The following SPATA16 variants were observed in gnomAD, a reference collection of about 807,000 sequenced individuals.
The protein encoded by SPATA16 is spermatogenesis-associated protein 16.
In SPATA16, 36 loss-of-function variants were observed where a neutral mutation model predicts 63.3. The observed-to-expected ratio is 0.57, with a 90% CI of 0.44 to 0.75. The LOEUF is 0.75. SPATA16 is among the 30% of genes least tolerant of loss of function. The pLI is 0.00. For synonymous variants in SPATA16, 203 were observed against 216.7 expected (o/e 0.94, Z 0.56); for missense variants, 646 against 679.3 (o/e 0.95, Z 0.54).
intron 3 of SPATA16, among the ~76,000 whole-genome samples, chr3:173,046,981 A>G (rs1735972107): frequency 6.6e-6 from 1 of 151,996 alleles, no homozygotes; most frequent in South Asian, 2.1e-4. Context: ...TACAAAAGTT[A>G]ATTGTAACGT....
chr3:172,945,752 C>A (rs1162764207), intron 6 of SPATA16, among the ~76,000 whole-genome samples: 1 of 152,154 alleles, frequency 6.6e-6, no homozygotes, highest in African/African-American at 2.4e-5. Flanking sequence ...TTCTGGCTAG[C>A]CCCACCACCA....
intron 3 of SPATA16, among the ~76,000 whole-genome samples, chr3:173,040,909 C>A (rs772664623): frequency 6.6e-6 from 1 of 152,074 alleles, no homozygotes; most frequent in Non-Finnish European, 1.5e-5. Context: ...TTAATGTAGT[C>A]AACTTTGCAC....
intron 5 of SPATA16, among the ~76,000 whole-genome samples, chr3:172,961,784 T>G (rs1227941621): frequency 6.6e-6 from 1 of 152,220 alleles, no homozygotes; most frequent in Admixed American, 6.5e-5. Context: ...TTTTGAAAAT[T>G]ATGACTTTAC....
chr3:173,038,511 A>C (rs115933766), intron 3 of SPATA16, among the ~76,000 whole-genome samples: 6 of 151,938 alleles, frequency 3.9e-5, no homozygotes, highest in South Asian at 2.1e-4. Context: ...TCAGCTCTCT[A>C]TGTTTCCCTA....
intron 1 of SPATA16, among the ~76,000 whole-genome samples, chr3:173,129,284 T>C (rs1470642089): frequency 6.6e-6 from 1 of 152,200 alleles, no homozygotes; most frequent in African/African-American, 2.4e-5. Context: ...ACATGAATTT[T>C]GGATTTGGAG....
intron 5 of SPATA16, among the ~76,000 whole-genome samples, chr3:172,972,042 C>G (rs1734058626): frequency 6.6e-6 from 1 of 152,120 alleles, no homozygotes; most frequent in Admixed American, 6.6e-5. Flanking sequence ...TCAGCCAGCT[C>G]CCAGTTTTGT....
At chr3:172,939,949 G>A (rs1357766892) in intron 6 of SPATA16, among the ~76,000 whole-genome samples, 1 of 152,082 alleles carries the variant, frequency 6.6e-6, no homozygotes, top group African/African-American at 2.4e-5. Context: ...AATCACCAAT[G>A]ACCAATAATT....
At chr3:172,958,684 G>T (rs1560079077) in intron 5 of SPATA16, among the ~76,000 whole-genome samples, 1 of 152,144 alleles carries the variant, frequency 6.6e-6, no homozygotes, top group Non-Finnish European at 1.5e-5. Context: ...CAAGACAGTG[G>T]TGTCAGCAGG....
chr3:172,964,557 T>C (rs1395276784), intron 5 of SPATA16, among the ~76,000 whole-genome samples: 1 of 152,246 alleles, frequency 6.6e-6, no homozygotes, highest in Non-Finnish European at 1.5e-5. Context: ...GTATTACTAA[T>C]GAGCTTTAGC....
chr3:173,120,033 G>A (rs1324038321), intron 1 of SPATA16, among the ~76,000 whole-genome samples: 6 of 151,212 alleles, frequency 4.0e-5, no homozygotes, highest in Admixed American at 6.6e-5. Context: ...GTTGCAGTGC[G>A]CCAAGATCGT....
At chr3:173,023,212 C>T (rs1407713757) in intron 3 of SPATA16, among the ~76,000 whole-genome samples, 1 of 150,418 alleles carries the variant, frequency 6.6e-6, no homozygotes, top group Non-Finnish European at 1.5e-5. Context: ...ACTGATGAGG[C>T]TCGAATATAA....
chr3:172,919,077 A>G (rs1732563314), intron 8 of SPATA16, among the ~76,000 whole-genome samples: 1 of 152,244 alleles, frequency 6.6e-6, no homozygotes, highest in East Asian at 1.9e-4. Flanking sequence ...AAGAAATTAA[A>G]AGTAAAATTA....
At chr3:173,017,448 C>T (rs969944392) in intron 4 of SPATA16, among the ~76,000 whole-genome samples, 5 of 152,168 alleles carry the variant, frequency 3.3e-5, no homozygotes, top group Middle Eastern at 6.8e-3. Context: ...TTGGGACCCA[C>T]GAAAAATTTA....
chr3:173,073,530 C>A (rs559194665), intron 2 of SPATA16, among the ~76,000 whole-genome samples: 3 of 152,342 alleles, frequency 2.0e-5, no homozygotes, highest in South Asian at 4.1e-4. Flanking sequence ...AGGGTGTAAG[C>A]CCCAGCCATG....
At chr3:172,970,664 T>A (rs1288290086) in intron 5 of SPATA16, among the ~76,000 whole-genome samples, 1 of 152,216 alleles carries the variant, frequency 6.6e-6, no homozygotes, top group African/African-American at 2.4e-5. Flanking sequence ...ACTCTCTGCC[T>A]GACAGGGCCA....
At chr3:172,984,249 C>G (rs1417810519) in intron 4 of SPATA16, among the ~76,000 whole-genome samples, 1 of 152,170 alleles carries the variant, frequency 6.6e-6, no homozygotes, top group Admixed American at 6.5e-5. Flanking sequence ...TCTGGAAGTT[C>G]TATCTGACGA....
intron 5 of SPATA16, among the ~76,000 whole-genome samples, chr3:172,963,612 T>C (rs1038216677): frequency 1.6e-4 from 24 of 152,098 alleles, no homozygotes; most frequent in Admixed American, 3.9e-4. Context: ...GTTTTCATTA[T>C]ATGTGATGCA....
chr3:173,075,499 C>T (rs1736778199), intron 2 of SPATA16, among the ~76,000 whole-genome samples: 1 of 152,114 alleles, frequency 6.6e-6, no homozygotes, highest in African/African-American at 2.4e-5. Flanking sequence ...GCAGTATTCA[C>T]AATAGCCAAG....
intron 3 of SPATA16, among the ~76,000 whole-genome samples, chr3:173,039,435 A>C (rs1342647055): frequency 6.6e-6 from 1 of 152,142 alleles, no homozygotes; most frequent in Non-Finnish European, 1.5e-5. Context: ...TAAAGACCAC[A>C]TGGAAATCAA....
Sources: allele counts gnomAD v4.1 joint callset (sites outside exome capture counted in the v4.1 genomes callset), GRCh38; gene constraint gnomAD v4.1.1; transcripts MANE v1.5; gene names NCBI Gene and HGNC (gene_info 2026-07-23, HGNC 2026-07-21).